Variants in USP8 observed in about 807,000 individuals in gnomAD.
The protein encoded by USP8 is ubiquitin specific peptidase 8.
Under a neutral mutation model 130.0 loss-of-function variants are expected in USP8, and 27 were observed. The ratio of observed to expected loss-of-function variants is 0.21; its 90% CI spans 0.15 to 0.29. USP8 has a LOEUF of 0.29. Among genes scored for constraint, USP8 ranks in the 10% least tolerant of loss-of-function variants. The pLI is 1.00. For missense variants in USP8, 1,029 were observed against 1,312.2 expected (o/e 0.78, Z 3.33); for synonymous variants, 392 against 444.1 (o/e 0.88, Z 1.48).
chr15:50,467,275 A>G (rs1287260456), intron 7 of USP8, among the ~76,000 whole-genome samples: 9 of 152,216 alleles, frequency 5.9e-5, no homozygotes, highest in African/African-American at 1.9e-4. Flanking sequence ...CTGAGTTTAC[A>G]TGGAAGTTTC....
chr15:50,461,585 C>T (rs958840062), intron 5 of USP8, among the ~76,000 whole-genome samples: 3 of 151,878 alleles, frequency 2.0e-5, no homozygotes, highest in Non-Finnish European at 2.9e-5. Context: ...CCGGGCACAG[C>T]GGCTCATGCC....
At chr15:50,464,312 G>A (rs1566862283) in intron 6 of USP8, among the ~76,000 whole-genome samples, 1 of 152,146 alleles carries the variant, frequency 6.6e-6, no homozygotes, top group African/African-American at 2.4e-5. Context: ...CCGTAAGACT[G>A]CCATCAGAGA....
intron 4 of USP8, among the ~76,000 whole-genome samples, chr15:50,450,462 CTTTTTTTTTTT>C (rs35800074): frequency 2.5e-5 from 2 of 80,456 alleles, no homozygotes; most frequent in Non-Finnish European, 4.7e-5. Context: ...GTTAGTCATT[CTTTTTTTTTTT>C]TTTTTTTTTT....
At chr15:50,426,269 A>G (rs2049718556) in intron 1 of USP8, among the ~76,000 whole-genome samples, 2 of 152,212 alleles carry the variant, frequency 1.3e-5, no homozygotes, top group African/African-American at 2.4e-5. Flanking sequence ...AAATGCACTC[A>G]TATTTATGGA....
Position 50,501,623 on chromosome 15 carries a change from T to A in USP8, c.*2535T>A, listed in dbSNP as rs1239066218. On this transcript the variant is annotated 3_prime_UTR_variant, in exon 20 of 20. Coordinates refer to ENST00000307179, the MANE Select transcript of USP8 (RefSeq NM_005154.5). Reference sequence around the variant, plus strand: ...GAGGGGGCTATGTAGCAACAACCCCTCAATCCCCCATAGGGTACAAAAAAT... The same window carrying A: ...GAGGGGGCTATGTAGCAACAACCCCACAATCCCCCATAGGGTACAAAAAAT... 1.3e-5 allele frequency: 2 copies of A among 151,868 alleles called. No individual in the cohort carries two copies. The highest frequency in any genetic ancestry group is 2.9e-5 in the Non-Finnish European group (2 of 67,970). 9.4% of individuals were successfully genotyped at this position (151,868 alleles called of 1,614,324 possible).
At position 50,504,541 on chromosome 15, in the gene USP8, A is replaced by G. The variant is rs1467436938; in HGVS notation, c.*5453A>G. The G allele has an allele frequency of 6.6e-6, 1 of 152,168 alleles. No homozygotes were observed. Among genetic ancestry groups the G allele is most frequent in the Non-Finnish European group, 1.5e-5 (1 of 68,096 alleles). The allele number at this position is 152,168 out of a possible 1,614,324, so 9.4% of individuals were successfully genotyped here. Reference sequence around the variant, plus strand: ...TTGTCTCAAAAAACAAAAACAAAAAACACCAGAAAAGACACCATTTTATAT... The same window carrying G: ...TTGTCTCAAAAAACAAAAACAAAAAGCACCAGAAAAGACACCATTTTATAT... On this transcript the variant is annotated 3_prime_UTR_variant, in exon 20 of 20. Coordinates refer to ENST00000307179, the MANE Select transcript of USP8 (RefSeq NM_005154.5).
At chr15:50,484,719 G>A (rs938580556) in intron 12 of USP8, among the ~76,000 whole-genome samples, 3 of 152,120 alleles carry the variant, frequency 2.0e-5, no homozygotes, top group Non-Finnish European at 4.4e-5. Flanking sequence ...ATTCATAATA[G>A]CCAAAAAATG....
At chr15:50,451,815 T>C (rs1439235550) in intron 4 of USP8, among the ~76,000 whole-genome samples, 1 of 152,212 alleles carries the variant, frequency 6.6e-6, no homozygotes, top group Non-Finnish European at 1.5e-5. Flanking sequence ...TGACTAGAAT[T>C]TCTCTTGTCA....
intron 3 of USP8, among the ~76,000 whole-genome samples, chr15:50,441,762 A>G (rs2050269018): frequency 6.6e-6 from 1 of 152,266 alleles, no homozygotes; most frequent in East Asian, 1.9e-4. Context: ...GAGGTAATTA[A>G]TAATTGCCAG....
chr15:50,493,362 GT>G (rs1333309897), intron 15 of USP8: 1 of 519,906 alleles, frequency 1.9e-6, no homozygotes, highest in Non-Finnish European at 3.8e-6. Flanking sequence ...ATAATTTCAT[GT>G]TGACATCAAG....
chr15:50,444,310 G>T (rs1408524808), intron 3 of USP8, among the ~76,000 whole-genome samples: 1 of 151,286 alleles, frequency 6.6e-6, no homozygotes, highest in Non-Finnish European at 1.5e-5. Flanking sequence ...TCACCGTGTT[G>T]GTCAGGCTGA....
At chr15:50,455,465 A>AT (rs2050761662) in intron 4 of USP8, among the ~76,000 whole-genome samples, 2 of 144,058 alleles carry the variant, frequency 1.4e-5, no homozygotes, top group South Asian at 4.9e-4. Context: ...TTACAAGCAC[A>AT]TTTTCATTTA....
chr15:50,430,145 A>G (rs554324479), intron 1 of USP8, among the ~76,000 whole-genome samples: 14 of 152,164 alleles, frequency 9.2e-5, no homozygotes, highest in Non-Finnish European at 1.6e-4. Flanking sequence ...CTGTATCACA[A>G]CACTGCACCT....
intron 14 of USP8, among the ~76,000 whole-genome samples, chr15:50,491,930 G>C (rs992908531): frequency 2.6e-5 from 4 of 152,058 alleles, no homozygotes; most frequent in Non-Finnish European, 5.9e-5. Flanking sequence ...GCAGTGGCAT[G>C]ATCTCAGTTC....
At chr15:50,456,447 C>G (rs900025951) in intron 4 of USP8, among the ~76,000 whole-genome samples, 2 of 151,626 alleles carry the variant, frequency 1.3e-5, no homozygotes, top group African/African-American at 4.8e-5. Flanking sequence ...GTGGTGGGAG[C>G]TTGTCATCCC....
At chr15:50,482,458 A>G (rs1174089461) in intron 11 of USP8, among the ~76,000 whole-genome samples, 2 of 152,256 alleles carry the variant, frequency 1.3e-5, no homozygotes, top group Admixed American at 6.5e-5. Context: ...TGTTTAGAAT[A>G]TATCCAAAAT....
chr15:50,469,380 A>G (rs2051301524), intron 7 of USP8, among the ~76,000 whole-genome samples: 1 of 152,200 alleles, frequency 6.6e-6, no homozygotes, highest in Non-Finnish European at 1.5e-5. Context: ...AGTTTGAGAA[A>G]TGTTGGCTGA....
Position 50,508,875 on chromosome 15 carries a change from C to T in USP8, c.*9787C>T, listed in dbSNP as rs2052698864. 1 of 150,908 alleles carries T rather than the reference C, an allele frequency of 6.6e-6. No individual in the cohort carries two copies. The highest frequency in any genetic ancestry group is 2.4e-5 in the African/African-American group (1 of 41,058). The allele number at this position is 150,908 out of a possible 1,614,324, so 9.3% of individuals were successfully genotyped here. On this transcript the variant is annotated 3_prime_UTR_variant, in exon 20 of 20. Coordinates refer to ENST00000307179, the MANE Select transcript of USP8 (RefSeq NM_005154.5). The stretch of plus-strand genomic sequence containing the variant: ...ACAGGCCAGGCGCGGTGGCTCACGC[C>T]TGTAATCCCAGCACTTTGGGAGGCC...
chr15:50,441,218 G>A lies in USP8; in HGVS notation c.105-131G>A, dbSNP rs115365672. 577 of 820,294 alleles carry A rather than the reference G, an allele frequency of 7.0e-4. 1 individual carries two copies. The African/African-American group carries it at 9.3e-3, about 13-fold the overall frequency. 50.8% of individuals were successfully genotyped at this position (820,294 alleles called of 1,614,324 possible). A position where few individuals can be genotyped will look rare whatever the true frequency, so the allele number is the denominator to read the frequency against. On this transcript the variant is annotated intron_variant, in intron 2 of 19. Coordinates refer to ENST00000307179, the MANE Select transcript of USP8 (RefSeq NM_005154.5). Reference sequence around the variant, plus strand: ...TGTGCGTCCTGGTTCATAACAGGCCGTGAACCAGTACCAATCTGTGGCCCT... The same window carrying A: ...TGTGCGTCCTGGTTCATAACAGGCCATGAACCAGTACCAATCTGTGGCCCT...
Sources: allele counts gnomAD v4.1 joint callset (sites outside exome capture counted in the v4.1 genomes callset), GRCh38; gene constraint gnomAD v4.1.1; transcripts MANE v1.5; gene names NCBI Gene and HGNC (gene_info 2026-07-23, HGNC 2026-07-21).